TRIM27: variants seen among roughly 807,000 people sequenced by gnomAD.
TRIM27 encodes the protein zinc finger protein RFP.
Under a neutral mutation model 57.6 loss-of-function variants are expected in TRIM27, and 12 were observed. The ratio of observed to expected loss-of-function variants is 0.21; its 90% CI spans 0.13 to 0.34. TRIM27 has a LOEUF of 0.34. Among genes scored for constraint, TRIM27 ranks in the 10% least tolerant of loss-of-function variants. TRIM27 has a pLI of 1.00. For synonymous variants in TRIM27, 266 were observed against 259.0 expected (o/e 1.03, Z -0.26); for missense variants, 403 against 656.8 (o/e 0.61, Z 4.22).
rs749345550 is a variant in TRIM27 at position 28,920,192 on chromosome 6, C to G, written c.567G>C (p.Leu189=). 3.7e-6 allele frequency: 6 copies of G among 1,613,704 alleles called. No homozygotes were observed. Among genetic ancestry groups the G allele is most frequent in the Non-Finnish European group, 5.1e-6 (6 of 1,179,642 alleles). The part of the protein sequence containing the change: ...REKIVWEFEQ[L]YHSLKEHEYR... Reference sequence around the variant, plus strand: ...ACTCATGCTCCTTTAAGGAGTGATACAGCTGCTCAAACTCCCAAACAATCT... The same window carrying G: ...ACTCATGCTCCTTTAAGGAGTGATAGAGCTGCTCAAACTCCCAAACAATCT... The change falls in exon 3 of 8, where the codon CTG becomes CTC. Residue 189 remains leucine (L), a synonymous_variant. Transcript: ENST00000377199.
chr6:28,915,404 T>C (rs1773532083), intron 3 of TRIM27: 2 of 150,224 alleles, frequency 1.3e-5, no homozygotes, highest in African/African-American at 4.9e-5. Flanking sequence ...AGGTCAGGAG[T>C]TGAAGACCAG....
chr6:28,920,391 G>C (rs1773932012), intron 2 of TRIM27, 149 bp from the exon 3 acceptor site: 2 of 616,840 alleles, frequency 3.2e-6, no homozygotes, highest in South Asian at 3.1e-5. Context: ...TTACTGACTG[G>C]ATATATAATG....
intron 4 of TRIM27, among the ~76,000 whole-genome samples, chr6:28,910,129 A>AAAAAAAAAAAAAAAAAG (rs1562156758): frequency 5.1e-5 from 3 of 58,500 alleles, no homozygotes; most frequent in African/African-American, 2.7e-4. Context: ...AAATGAAAAA[A>AAAAAAAAAAAAAAAAAG]AAAAAAAAAA....
chr6:28,911,761 A>C, intron 3 of TRIM27, 43 bp from the exon 4 acceptor site: 4 of 1,602,988 alleles, frequency 2.5e-6, no homozygotes, highest in Non-Finnish European at 3.4e-6. Flanking sequence ...AAGTCATTTA[A>C]AACTTCGGTT....
chr6:28,908,566 ATTGC>A, intron 6 of TRIM27: 1 of 481,552 alleles, frequency 2.1e-6, no homozygotes, highest in East Asian at 3.2e-5. Flanking sequence ...TAATTTTTGG[ATTGC>A]TTATTTTTCT....
Position 28,920,049 on chromosome 6 carries a change from T to C in TRIM27, c.710A>G (p.Glu237Gly). 6.2e-7 allele frequency: 1 copy of C among 1,613,962 alleles called. No homozygotes were observed. The highest frequency in any genetic ancestry group is 8.5e-7 in the Non-Finnish European group (1 of 1,180,006). The change falls in exon 3 of 8, where the codon GAA becomes GGA. Residue 237 changes from glutamate to glycine, a missense_variant. Coordinates refer to ENST00000377199, the MANE Select transcript of TRIM27 (RefSeq NM_006510.5). ...CCTGGTGGGCTGCTGCTGCTTCTCT[T>C]CTAGCTGAGCGATCAGGCTGCTGAG... ...SHLSSLIAQL[E>G]EKQQQPTREL...
At chr6:28,910,123 G>GAAAAAAAAAAAAAAAAAAAAAAGAA (rs9278120) in intron 4 of TRIM27, among the ~76,000 whole-genome samples, 3 of 97,606 alleles carry the variant, frequency 3.1e-5, no homozygotes, top group Non-Finnish European at 4.4e-5. Flanking sequence ...AAAGAAAAAT[G>GAAAAAAAAAAAAAAAAAAAAAAGAA]AAAAAAAAAA....
intron 3 of TRIM27, among the ~76,000 whole-genome samples, chr6:28,913,808 A>G (rs1338670073): frequency 6.6e-6 from 1 of 151,916 alleles, no homozygotes; most frequent in Non-Finnish European, 1.5e-5. Flanking sequence ...GCAATACTTA[A>G]AAGGTCTTTT....
Position 28,920,000 on chromosome 6 carries a change from T to C in TRIM27, c.747+12A>G, listed in dbSNP as rs1562178032. 1 of 1,608,702 alleles carries C rather than the reference T, an allele frequency of 6.2e-7. No homozygotes were observed. The highest frequency in any genetic ancestry group is 1.1e-5 in the South Asian group (1 of 90,462). ...AGTGGGTGCTGCTCTAGCAGGGCTCTGCAAGCCTTACCTGCAGGAGCTCCC... is the reference window on the plus strand; with the variant it reads ...AGTGGGTGCTGCTCTAGCAGGGCTCCGCAAGCCTTACCTGCAGGAGCTCCC... On this transcript the variant is annotated intron_variant, in intron 3 of 7. Coordinates refer to ENST00000377199, the MANE Select transcript of TRIM27 (RefSeq NM_006510.5).
At chr6:28,921,740 T>C in intron 2 of TRIM27, 152 bp downstream of exon 2, 1 of 672,416 alleles carries the variant, frequency 1.5e-6, no homozygotes, top group Non-Finnish European at 2.6e-6. Flanking sequence ...GAATCTTAGT[T>C]CTCCGGGTGA....
At chr6:28,921,478 T>A (rs139093553) in intron 2 of TRIM27, among the ~76,000 whole-genome samples, 2 of 151,852 alleles carry the variant, frequency 1.3e-5, no homozygotes, top group Admixed American at 6.6e-5. Context: ...AGTAAAAAAT[T>A]CAGAATTAAG....
At chr6:28,914,537 T>A (rs981268744) in intron 3 of TRIM27, among the ~76,000 whole-genome samples, 5 of 132,076 alleles carry the variant, frequency 3.8e-5, no homozygotes, top group African/African-American at 1.4e-4. Context: ...TTTGTCTAGA[T>A]CCAGAAAAAG....
At chr6:28,915,357 C>T (rs1773527780) in intron 3 of TRIM27, 1 of 149,368 alleles carries the variant, frequency 6.7e-6, no homozygotes, top group Non-Finnish European at 1.5e-5. Context: ...GTCTATTATA[C>T]CAGCACTTTG....
intron 3 of TRIM27, among the ~76,000 whole-genome samples, chr6:28,912,802 T>A (rs1481973438): frequency 6.6e-6 from 1 of 152,250 alleles, no homozygotes; most frequent in Non-Finnish European, 1.5e-5. Flanking sequence ...AATTTTTTAT[T>A]GATACGTAAC....
Position 28,903,680 on chromosome 6 carries a change from T to C in TRIM27, c.*390A>G, listed in dbSNP as rs755047041. 3.7e-6 allele frequency: 1 copy of C among 268,694 alleles called. No individual in the cohort carries two copies. Among genetic ancestry groups the C allele is most frequent in the Non-Finnish European group, 7.1e-6 (1 of 140,698 alleles). 16.6% of individuals were successfully genotyped at this position (268,694 alleles called of 1,614,324 possible). A position where few individuals can be genotyped will look rare whatever the true frequency, so the allele number is the denominator to read the frequency against. On this transcript the variant is annotated 3_prime_UTR_variant, in exon 8 of 8. Transcript: ENST00000377199. ...TTAGAAAGGAGCCCTAGCCCAGAAA[T>C]GACAGCAAATAGCCATAATCATTAT... is the stretch of plus-strand genomic sequence containing the variant.
chr6:28,911,667 T>C, intron 4 of TRIM27, 29 bp downstream of exon 4: 1 of 1,607,246 alleles, frequency 6.2e-7, no homozygotes. Flanking sequence ...TCATATTTGA[T>C]TTAACACTAG....
intron 3 of TRIM27, among the ~76,000 whole-genome samples, chr6:28,919,027 T>C (rs925213809): frequency 6.6e-6 from 1 of 151,944 alleles, no homozygotes; most frequent in Admixed American, 6.6e-5. Context: ...TTTATTTATT[T>C]TTTTGAGACA....
chr6:28,912,395 C>A lies in TRIM27; in HGVS notation c.748-677G>T, dbSNP rs186290954. On this transcript the variant is annotated intron_variant, in intron 3 of 7. Coordinates refer to ENST00000377199, the MANE Select transcript of TRIM27 (RefSeq NM_006510.5). ...AAAGTGCTGGGATTACAAGTGTGAG[C>A]CAGCGGTGGCCTCTCCCTTCTTTCA... Among the ~76,000 whole-genome samples, 722 of 152,194 alleles carry A rather than the reference C, an allele frequency of 4.7e-3. 3 individuals carry two copies. Among genetic ancestry groups the A allele is most frequent in the Non-Finnish European group, 6.9e-3 (470 of 68,022 alleles).
At chr6:28,911,523 G>A in intron 4 of TRIM27, 173 bp downstream of exon 4, 2 of 652,544 alleles carry the variant, frequency 3.1e-6, no homozygotes, top group Non-Finnish European at 5.2e-6. Context: ...GAATTTTACT[G>A]AGTAGAGCTG....
Sources: gnomAD v4.1 joint callset for allele counts (sites outside exome capture counted in the v4.1 genomes callset) on GRCh38, gnomAD v4.1.1 for gene constraint, MANE v1.5 for transcripts, NCBI Gene and HGNC (gene_info 2026-07-23, HGNC 2026-07-21) for gene names.